OSBPL6: variants seen among roughly 807,000 people sequenced by gnomAD.
The protein encoded by OSBPL6 is oxysterol-binding protein-related protein 6.
A neutral mutation model predicts 125.8 loss-of-function variants in OSBPL6; 49 were observed. The ratio of observed to expected loss-of-function variants is 0.39; its 90% CI spans 0.31 to 0.49. The LOEUF is 0.49. Ranked by LOEUF, OSBPL6 falls within the 20% of genes least tolerant of loss-of-function variation. The pLI is 0.88. For synonymous variants in OSBPL6, 394 were observed against 391.8 expected (o/e 1.01, Z -0.07); for missense variants, 986 against 1,135.4 (o/e 0.87, Z 1.89).
chr2:178,258,749 G>A (rs528554128), intron 1 of OSBPL6, among the ~76,000 whole-genome samples: 1 of 112,038 alleles, frequency 8.9e-6, no homozygotes, highest in South Asian at 2.9e-4. Context: ...CCCAGACCAG[G>A]GCTGTTTTGA....
At chr2:178,392,353 GCTT>G in intron 22 of OSBPL6, 56 bp from the exon 23 acceptor site, 1 of 1,588,836 alleles carries the variant, frequency 6.3e-7, no homozygotes, top group Non-Finnish European at 8.6e-7. Flanking sequence ...GGGTAAGTCA[GCTT>G]CTTCCAGTTC....
At chr2:178,289,073 A>T (rs1351639043) in intron 2 of OSBPL6, among the ~76,000 whole-genome samples, 2 of 133,980 alleles carry the variant, frequency 1.5e-5, no homozygotes, top group East Asian at 4.3e-4. Flanking sequence ...GCTGGAGTAG[A>T]GTGGTGCAAT....
intron 14 of OSBPL6, 37 bp downstream of exon 14, chr2:178,372,270 T>A: frequency 7.0e-7 from 1 of 1,433,470 alleles, no homozygotes; most frequent in Non-Finnish European, 9.7e-7. Context: ...AGTACCTATT[T>A]TTTAGCATCT....
intron 12 of OSBPL6, among the ~76,000 whole-genome samples, chr2:178,356,931 A>G (rs374498963): frequency 3.2e-4 from 48 of 152,230 alleles, no homozygotes; most frequent in African/African-American, 1.1e-3. Flanking sequence ...CAGAAACAAC[A>G]CCACACATCT....
At chr2:178,286,510 T>G (rs1269779967) in intron 2 of OSBPL6, among the ~76,000 whole-genome samples, 1 of 152,230 alleles carries the variant, frequency 6.6e-6, no homozygotes, top group Non-Finnish European at 1.5e-5. Flanking sequence ...AAGCTGACAC[T>G]TGCCAGCCAG....
chr2:178,248,348 G>A (rs1158881401), intron 1 of OSBPL6, among the ~76,000 whole-genome samples: 1 of 152,134 alleles, frequency 6.6e-6, no homozygotes, highest in South Asian at 2.1e-4. Flanking sequence ...TTCAGATTTG[G>A]TTGTGGATAT....
At chr2:178,372,820 G>A (rs1693519787) in intron 14 of OSBPL6, among the ~76,000 whole-genome samples, 1 of 152,166 alleles carries the variant, frequency 6.6e-6, no homozygotes, top group South Asian at 2.1e-4. Flanking sequence ...ACAACGCTCT[G>A]TTAGGTGGTA....
At chr2:178,260,599 A>C (rs1341596345) in intron 1 of OSBPL6, among the ~76,000 whole-genome samples, 1 of 152,122 alleles carries the variant, frequency 6.6e-6, no homozygotes, top group Non-Finnish European at 1.5e-5. Flanking sequence ...GGTGATTACT[A>C]CTTGGTTAGT....
chr2:178,210,949 C>T (rs1043986318), intron 1 of OSBPL6, among the ~76,000 whole-genome samples: 1 of 152,014 alleles, frequency 6.6e-6, no homozygotes, highest in African/African-American at 2.4e-5. Flanking sequence ...TTGCTATATT[C>T]GTGTAGGGCA....
chr2:178,266,741 T>C (rs932190078), intron 1 of OSBPL6, among the ~76,000 whole-genome samples: 1 of 152,240 alleles, frequency 6.6e-6, no homozygotes, highest in African/African-American at 2.4e-5. Flanking sequence ...AAGAAAATTA[T>C]GAAACTAAAG....
chr2:178,266,000 G>C (rs938240395), intron 1 of OSBPL6, among the ~76,000 whole-genome samples: 1 of 152,204 alleles, frequency 6.6e-6, no homozygotes, highest in Non-Finnish European at 1.5e-5. Context: ...CAGCCTGCAG[G>C]ATCAGAGAAT....
At chr2:178,277,445 TGA>T (rs1163552976) in intron 1 of OSBPL6, among the ~76,000 whole-genome samples, 1 of 152,124 alleles carries the variant, frequency 6.6e-6, no homozygotes, top group Non-Finnish European at 1.5e-5. Flanking sequence ...GCTTGGCTTT[TGA>T]ATTTTGAAGA....
At chr2:178,287,699 C>T (rs184008158) in intron 2 of OSBPL6, among the ~76,000 whole-genome samples, 118 of 151,778 alleles carry the variant, frequency 7.8e-4, no homozygotes, top group African/African-American at 2.6e-3. Context: ...CTATCTCCCC[C>T]CATCTACCCC....
intron 1 of OSBPL6, among the ~76,000 whole-genome samples, chr2:178,221,135 A>G (rs2090322530): frequency 6.6e-6 from 1 of 152,178 alleles, no homozygotes; most frequent in African/African-American, 2.4e-5. Flanking sequence ...TTTCAACTAG[A>G]CTATTCATAT....
At chr2:178,291,099 T>C (rs1255654722) in intron 2 of OSBPL6, among the ~76,000 whole-genome samples, 2 of 139,576 alleles carry the variant, frequency 1.4e-5, no homozygotes, top group African/African-American at 4.9e-5. Context: ...AAGAGTTAAC[T>C]ATGAGGTGTT....
intron 1 of OSBPL6, among the ~76,000 whole-genome samples, chr2:178,256,152 G>T (rs981375347): frequency 2.6e-5 from 4 of 152,194 alleles, no homozygotes; most frequent in Non-Finnish European, 5.9e-5. Context: ...GTGCAGTTCT[G>T]TGATGAATTA....
rs550177984 is a variant in OSBPL6 at position 178,328,904 on chromosome 2, C to T, written c.318+526C>T. 3.9e-5 allele frequency among the ~76,000 whole-genome samples: 6 copies of T among 152,148 alleles called. No individual in the cohort carries two copies. In the South Asian group the frequency reaches 8.3e-4, roughly 21 times the overall value. ...GGAAAAAAATATGTGATATTTAATCCAGTTGGTATGTATTGTTGTCTGATT... is the reference window on the plus strand; with the variant it reads ...GGAAAAAAATATGTGATATTTAATCTAGTTGGTATGTATTGTTGTCTGATT... On this transcript the variant is annotated intron_variant, in intron 5 of 24. Coordinates refer to ENST00000190611, the MANE Select transcript of OSBPL6 (RefSeq NM_032523.4).
intron 11 of OSBPL6, among the ~76,000 whole-genome samples, chr2:178,342,895 T>C (rs927240688): frequency 2.0e-5 from 3 of 152,172 alleles, no homozygotes; most frequent in Non-Finnish European, 4.4e-5. Flanking sequence ...CTGCATCTCA[T>C]AGATGCTCAA....
At chr2:178,290,510 G>A (rs548142740) in intron 2 of OSBPL6, among the ~76,000 whole-genome samples, 72 of 146,526 alleles carry the variant, frequency 4.9e-4, no homozygotes, top group African/African-American at 1.6e-3. Context: ...CTGTGTATAC[G>A]TATAGAAAAG....
Sources: allele counts gnomAD v4.1 joint callset (sites outside exome capture counted in the v4.1 genomes callset), GRCh38; gene constraint gnomAD v4.1.1; transcripts MANE v1.5; gene names NCBI Gene and HGNC (gene_info 2026-07-23, HGNC 2026-07-21).